Variants in SLC43A1 observed in about 807,000 individuals in gnomAD.
The protein encoded by SLC43A1 is solute carrier family 43 member 1.
SLC43A1 carries 31 observed loss-of-function variants against 59.5 expected under a neutral mutation model. That is an observed-to-expected ratio of 0.52 (90% CI 0.39 to 0.70). The LOEUF is 0.70. SLC43A1 is among the 30% of genes least tolerant of loss of function. SLC43A1 has a pLI of 0.00. For synonymous variants in SLC43A1, 259 were observed against 290.9 expected, an observed-to-expected ratio of 0.89 and a Z score of 1.12; for missense variants, 598 against 717.8, an observed-to-expected ratio of 0.83 and a Z score of 1.91.
intron 2 of SLC43A1, 34 bp from the exon 3 acceptor site, chr11:57,501,363 C>T: frequency 1.2e-6 from 2 of 1,600,160 alleles, no homozygotes; most frequent in Non-Finnish European, 1.7e-6. Context: ...CAGCACATGA[C>T]ACCAGGAACA....
chr11:57,513,912 T>C, intron 2 of SLC43A1, 46 bp downstream of exon 2: 1 of 1,475,526 alleles, frequency 6.8e-7, no homozygotes, highest in East Asian at 2.4e-5. Flanking sequence ...CACCTGCCCC[T>C]TTGCCATCCC....
intron 6 of SLC43A1, 45 bp downstream of exon 6, chr11:57,497,708 C>A (rs1236982235): frequency 6.7e-7 from 1 of 1,495,738 alleles, no homozygotes. Context: ...CGGCCCCACC[C>A]GGTTCTTGTG....
Position 57,485,189 on chromosome 11 carries a change from G to A in SLC43A1, c.1587C>T (p.Tyr529=). Residue 529 remains tyrosine, a synonymous_variant, in exon 15 of 15, where the codon TAC becomes TAT. Coordinates refer to ENST00000278426, the MANE Select transcript of SLC43A1 (RefSeq NM_003627.6). ...GGAGCCGGGCACGGTAATAGAAGAGGTAGGAAGGCAACAGGAATCCCAGGA... is the reference window on the plus strand; with the variant it reads ...GGAGCCGGGCACGGTAATAGAAGAGATAGGAAGGCAACAGGAATCCCAGGA... ...FSLLGFLLPS[Y]LFYYRARLQQ... The A allele has an allele frequency of 1.2e-6, 2 of 1,614,064 alleles. No individual in the cohort carries two copies.
chr11:57,504,073 C>T lies in SLC43A1; in HGVS notation c.155-2744G>A, dbSNP rs1008528181. On this transcript the variant is annotated intron_variant, in intron 2 of 14. Transcript: ENST00000278426. ...TTAGCCGGGCGTGGTGGTGGGCGCC[C>T]GTAGTCCCAGCTACTTGGGAGGCTG... 5.7e-4 allele frequency among the ~76,000 whole-genome samples: 87 copies of T among 152,006 alleles called. 1 individual carries two copies. The highest frequency in any genetic ancestry group is 1.3e-3 in the Admixed American group (20 of 15,254).
chr11:57,499,005 G>A (rs1944171835), intron 5 of SLC43A1, among the ~76,000 whole-genome samples: 1 of 152,140 alleles, frequency 6.6e-6, no homozygotes, highest in African/African-American at 2.4e-5. Context: ...AGACTCTGAA[G>A]GGAGGCCTCA....
At chr11:57,505,465 T>C (rs1944371678) in intron 2 of SLC43A1, among the ~76,000 whole-genome samples, 1 of 151,622 alleles carries the variant, frequency 6.6e-6, no homozygotes, top group African/African-American at 2.4e-5. Context: ...TGAGCCGAAA[T>C]CACACCACTG....
intron 13 of SLC43A1, 125 bp from the exon 14 acceptor site, chr11:57,487,343 C>A: frequency 8.4e-7 from 1 of 1,192,738 alleles, no homozygotes; most frequent in South Asian, 1.6e-5. Context: ...CGTTCGGGCT[C>A]TTTGCATGGG....
At position 57,513,939 on chromosome 11, in the gene SLC43A1, A is replaced by AC; in HGVS notation, c.154+18_154+19insG. The AC allele has an allele frequency of 1.0e-4, 47 of 449,844 alleles. No homozygotes were observed. Among genetic ancestry groups the AC allele is most frequent in the Non-Finnish European group, 1.6e-4 (39 of 236,910 alleles). 27.9% of individuals were successfully genotyped at this position (449,844 alleles called of 1,614,324 possible). On this transcript the variant is annotated intron_variant, in intron 2 of 14. Coordinates refer to ENST00000278426, the MANE Select transcript of SLC43A1 (RefSeq NM_003627.6). Reference sequence around the variant, plus strand: ...TGCCATCCCTCCCCCCAGCCCACCCAGCCCATTTTCAGGCATACCTGGGCA... The same window carrying AC: ...TGCCATCCCTCCCCCCAGCCCACCCACGCCCATTTTCAGGCATACCTGGGCA...
intron 6 of SLC43A1, among the ~76,000 whole-genome samples, chr11:57,497,490 A>G (rs770349440): frequency 5.9e-5 from 9 of 152,250 alleles, no homozygotes; most frequent in Non-Finnish European, 1.3e-4. Flanking sequence ...AAGGTTTTTC[A>G]GCAGTGTGTG....
intron 2 of SLC43A1, 31 bp downstream of exon 2, chr11:57,513,927 C>A: frequency 1.7e-6 from 2 of 1,196,324 alleles, no homozygotes; most frequent in Middle Eastern, 2.0e-4. Flanking sequence ...CATCCCTCCC[C>A]CCAGCCCACC....
rs557907168 is a variant in SLC43A1 at position 57,497,072 on chromosome 11, C to T, written c.558+681G>A. 4.6e-5 allele frequency among the ~76,000 whole-genome samples: 7 copies of T among 152,308 alleles called. No individual in the cohort carries two copies. The South Asian group carries it at 1.0e-3, about 23-fold the overall frequency. Reference sequence around the variant, plus strand: ...CCACCAGAACAACTGATGGCCCCCCCACCCATGCGCTCTCTCAAACTCCTT... The same window carrying T: ...CCACCAGAACAACTGATGGCCCCCCTACCCATGCGCTCTCTCAAACTCCTT... On this transcript the variant is annotated intron_variant, in intron 6 of 14. Transcript: ENST00000278426.
At chr11:57,508,269 A>G (rs1419422719) in intron 2 of SLC43A1, among the ~76,000 whole-genome samples, 1 of 149,668 alleles carries the variant, frequency 6.7e-6, no homozygotes, top group African/African-American at 2.4e-5. Flanking sequence ...TCCATCTCCA[A>G]AAAAAAAAAA....
intron 5 of SLC43A1, 44 bp downstream of exon 5, chr11:57,500,735 C>A (rs1447053008): frequency 1.9e-6 from 3 of 1,583,624 alleles, no homozygotes; most frequent in Non-Finnish European, 1.7e-6. Flanking sequence ...GCCCTCACCC[C>A]ACTCGGGGGA....
intron 2 of SLC43A1, among the ~76,000 whole-genome samples, chr11:57,502,756 TC>T (rs201726750): frequency 0.016 from 2,436 of 151,726 alleles, 40 homozygotes; most frequent in Non-Finnish European, 0.025. Context: ...TGTCTGTAGT[TC>T]CAGCTACCTG....
intron 2 of SLC43A1, among the ~76,000 whole-genome samples, chr11:57,512,918 C>T (rs749391885): frequency 1.8e-4 from 27 of 152,180 alleles, no homozygotes; most frequent in Non-Finnish European, 3.5e-4. Flanking sequence ...TCAAGACCTC[C>T]CCATCTCCAC....
At position 57,494,140 on chromosome 11, in the gene SLC43A1, C is replaced by A; in HGVS notation, c.724G>T (p.Asp242Tyr). The change falls in exon 8 of 15, where the codon GAC (aspartate) becomes TAC (tyrosine). Residue 242 changes from aspartate (D) to tyrosine (Y), a missense_variant. Transcript: ENST00000278426. ...KKIKLSGLAL[D>Y]HKVTGDLFYT... is the part of the protein sequence containing the mutation. ...AAGAGGTCACCTGTCACCTTGTGGT[C>A]CAGGGCCAGCCCACTCAGCTTGATC... is the stretch of plus-strand genomic sequence containing the variant. 6.2e-7 allele frequency: 1 copy of A among 1,610,326 alleles called. No individual in the cohort carries two copies. The highest frequency in any genetic ancestry group is 1.1e-5 in the South Asian group (1 of 90,478).
chr11:57,508,159 C>T (rs1379895979), intron 2 of SLC43A1, among the ~76,000 whole-genome samples: 3 of 151,754 alleles, frequency 2.0e-5, no homozygotes, highest in Admixed American at 6.6e-5. Context: ...CCCAGCTACT[C>T]AGGAGGCTGA....
chr11:57,491,692 C>G (rs938201926), intron 9 of SLC43A1, 24 bp downstream of exon 9: 2 of 1,614,242 alleles, frequency 1.2e-6, no homozygotes, highest in Admixed American at 3.3e-5. Context: ...CCCCCAACCC[C>G]CAGGGGCCTC....
Position 57,494,163 on chromosome 11 carries a change from A to G in SLC43A1, c.701T>C (p.Ile234Thr). The change falls in exon 8 of 15, where the codon ATC becomes ACC. Residue 234 changes from isoleucine (I) to threonine (T), a missense_variant. Transcript: ENST00000278426. ...APEEVNYTKK[I>T]KLSGLALDHK... is the part of the protein sequence containing the mutation. ...GTCCAGGGCCAGCCCACTCAGCTTG[A>G]TCTTCTTCCTGCAGGCAGCCAGGCC... The G allele has an allele frequency of 6.2e-7, 1 of 1,609,336 alleles. No individual in the cohort carries two copies. Among genetic ancestry groups the G allele is most frequent in the Non-Finnish European group, 8.5e-7 (1 of 1,178,262 alleles).
Sources: gnomAD v4.1 joint callset for allele counts (sites outside exome capture counted in the v4.1 genomes callset) on GRCh38, gnomAD v4.1.1 for gene constraint, MANE v1.5 for transcripts, NCBI Gene and HGNC (gene_info 2026-07-23, HGNC 2026-07-21) for gene names.